The following WWOX variants were observed in gnomAD, a reference collection of about 807,000 sequenced individuals.
The protein encoded by WWOX is WW domain-containing oxidoreductase.
WWOX carries 69 observed loss-of-function variants against 46.2 expected under a neutral mutation model. That is an observed-to-expected ratio of 1.49 (90% CI 1.23 to 1.82). The LOEUF is 1.82. WWOX is among the 40% of genes most tolerant of loss of function. The pLI is 0.00. For synonymous variants in WWOX, 359 were observed against 202.6 expected, an observed-to-expected ratio of 1.77 and a Z score of -6.56; for missense variants, 919 against 542.6, an observed-to-expected ratio of 1.69 and a Z score of -6.89.
At chr16:78,669,981 C>A (rs1390543203) in intron 8 of WWOX, among the ~76,000 whole-genome samples, 1 of 152,146 alleles carries the variant, frequency 6.6e-6, no homozygotes, top group Non-Finnish European at 1.5e-5. Flanking sequence ...TTCATCCTCC[C>A]CCACCAGTAA....
At chr16:78,505,100 G>C (rs947579011) in intron 8 of WWOX, among the ~76,000 whole-genome samples, 1 of 152,124 alleles carries the variant, frequency 6.6e-6, no homozygotes, top group South Asian at 2.1e-4. Flanking sequence ...AAGCACAATA[G>C]GGTTTAGAGC....
At chr16:78,529,155 G>C (rs552863531) in intron 8 of WWOX, among the ~76,000 whole-genome samples, 1 of 151,584 alleles carries the variant, frequency 6.6e-6, no homozygotes, top group East Asian at 2.0e-4. Context: ...GGGTCTGACT[G>C]TATTGCCCAG....
chr16:78,806,161 T>C (rs1251438756), intron 8 of WWOX, among the ~76,000 whole-genome samples: 3 of 152,246 alleles, frequency 2.0e-5, no homozygotes, highest in African/African-American at 7.2e-5. Flanking sequence ...CTTAATTCCC[T>C]GATATAATAA....
At chr16:79,098,920 A>G (rs568608489) in intron 8 of WWOX, among the ~76,000 whole-genome samples, 3 of 152,338 alleles carry the variant, frequency 2.0e-5, no homozygotes, top group African/African-American at 7.2e-5. Flanking sequence ...ATAACAAAAT[A>G]CCTGAGACTG....
chr16:78,219,659 A>G (rs2036828715), intron 5 of WWOX, among the ~76,000 whole-genome samples: 1 of 152,106 alleles, frequency 6.6e-6, no homozygotes, highest in Non-Finnish European at 1.5e-5. Flanking sequence ...TCTCTCTCAT[A>G]TTATTTGGGA....
chr16:78,151,585 A>G (rs2034409706), intron 4 of WWOX, among the ~76,000 whole-genome samples: 1 of 152,184 alleles, frequency 6.6e-6, no homozygotes, highest in Non-Finnish European at 1.5e-5. Flanking sequence ...TGCTCAGGAA[A>G]TACCTTGTTT....
At chr16:78,117,642 C>G (rs182113056) in intron 4 of WWOX, among the ~76,000 whole-genome samples, 1 of 152,262 alleles carries the variant, frequency 6.6e-6, no homozygotes, top group East Asian at 1.9e-4. Flanking sequence ...TAGATAAAGT[C>G]CTTCTACTAA....
intron 8 of WWOX, among the ~76,000 whole-genome samples, chr16:79,065,395 T>C (rs954555615): frequency 3.3e-5 from 5 of 152,100 alleles, no homozygotes; most frequent in African/African-American, 1.2e-4. Flanking sequence ...GGAAGGGAGC[T>C]AGGGAATGGA....
At chr16:78,903,558 AG>A (rs2044882407) in intron 8 of WWOX, among the ~76,000 whole-genome samples, 1 of 152,216 alleles carries the variant, frequency 6.6e-6, no homozygotes, top group Non-Finnish European at 1.5e-5. Context: ...GCAAAAGAGT[AG>A]CCCCTCCTCC....
At chr16:78,684,070 T>C (rs1042479165) in intron 8 of WWOX, among the ~76,000 whole-genome samples, 3 of 152,214 alleles carry the variant, frequency 2.0e-5, no homozygotes, top group Middle Eastern at 3.2e-3. Context: ...GGCTCGCACA[T>C]GCTTCCTTTT....
At chr16:78,972,904 A>G (rs1475980453) in intron 8 of WWOX, among the ~76,000 whole-genome samples, 16 of 152,320 alleles carry the variant, frequency 1.1e-4, no homozygotes, top group South Asian at 2.1e-4. Flanking sequence ...TCATTTTATT[A>G]GCGCTGGAGC....
At chr16:78,710,475 T>C (rs1356407822) in intron 8 of WWOX, among the ~76,000 whole-genome samples, 1 of 112,518 alleles carries the variant, frequency 8.9e-6, no homozygotes, top group South Asian at 2.5e-4. Context: ...ATGGATCTCA[T>C]ATATATATAT....
At chr16:78,792,281 G>C (rs1384775072) in intron 8 of WWOX, among the ~76,000 whole-genome samples, 1 of 152,192 alleles carries the variant, frequency 6.6e-6, no homozygotes, top group Non-Finnish European at 1.5e-5. Flanking sequence ...GGCTGATCTA[G>C]GCTGGACTTG....
Position 78,436,752 on chromosome 16 carries a change from C to T in WWOX, c.1056+4000C>T, listed in dbSNP as rs78747893. On this transcript the variant is annotated intron_variant, in intron 8 of 8. Coordinates refer to ENST00000566780, the MANE Select transcript of WWOX (RefSeq NM_016373.4). ...GAGGAATCACTGTGAATGTAGACCT[C>T]GGGTTGGTCATTTTCCTAGTAAGAT... is the stretch of plus-strand genomic sequence containing the variant. 2.4e-3 allele frequency among the ~76,000 whole-genome samples: 370 copies of T among 152,164 alleles called. 2 individuals are homozygous for T. Among genetic ancestry groups the T allele is most frequent in the Admixed American group, 4.6e-3 (70 of 15,282 alleles).
chr16:78,683,381 C>T (rs1169597690), intron 8 of WWOX, among the ~76,000 whole-genome samples: 1 of 150,590 alleles, frequency 6.6e-6, no homozygotes, highest in Admixed American at 6.6e-5. Flanking sequence ...CTACTAAAAA[C>T]ATTAAAAAAA....
At chr16:78,924,379 G>T (rs1350448204) in intron 8 of WWOX, among the ~76,000 whole-genome samples, 2 of 152,146 alleles carry the variant, frequency 1.3e-5, no homozygotes, top group South Asian at 2.1e-4. Context: ...CATCAAAAAT[G>T]GAACTTGTCT....
At chr16:78,544,495 C>T (rs2043974660) in intron 8 of WWOX, among the ~76,000 whole-genome samples, 3 of 152,184 alleles carry the variant, frequency 2.0e-5, no homozygotes, top group African/African-American at 7.2e-5. Context: ...CACAGAGCTG[C>T]TGAGTGGCAG....
intron 4 of WWOX, among the ~76,000 whole-genome samples, chr16:78,162,350 C>T (rs1258251300): frequency 6.6e-6 from 1 of 152,078 alleles, no homozygotes; most frequent in East Asian, 1.9e-4. Flanking sequence ...CAGTTTTTAG[C>T]AGTTTTACTC....
intron 7 of WWOX, among the ~76,000 whole-genome samples, chr16:78,431,498 T>A (rs1318086629): frequency 6.6e-6 from 1 of 152,158 alleles, no homozygotes; most frequent in Non-Finnish European, 1.5e-5. Context: ...AGGTTAGGAA[T>A]GTGATATCTT....
Sources: allele counts gnomAD v4.1 joint callset (sites outside exome capture counted in the v4.1 genomes callset), GRCh38; gene constraint gnomAD v4.1.1; transcripts MANE v1.5; gene names NCBI Gene and HGNC (gene_info 2026-07-23, HGNC 2026-07-21).